Variants in MAGI2 observed in about 807,000 individuals in gnomAD.
The protein encoded by MAGI2 is membrane-associated guanylate kinase, WW and PDZ domain-containing protein 2.
A neutral mutation model predicts 133.3 loss-of-function variants in MAGI2; 35 were observed. The ratio of observed to expected loss-of-function variants is 0.26; its 90% CI spans 0.20 to 0.35. MAGI2 has a LOEUF of 0.35. MAGI2 is among the 10% of genes least tolerant of loss of function. The pLI, the probability that MAGI2 is intolerant of heterozygous loss-of-function variation, is 1.00. For synonymous variants in MAGI2, 729 were observed against 710.6 expected (o/e 1.03, Z -0.41); for missense variants, 1,636 against 1,863.4 (o/e 0.88, Z 2.25).
intron 1 of MAGI2, among the ~76,000 whole-genome samples, chr7:79,217,827 G>A (rs969428933): frequency 2.2e-4 from 33 of 151,952 alleles, no homozygotes; most frequent in Admixed American, 5.9e-4. Flanking sequence ...GTAGAATAGT[G>A]CTTGGTACAT....
chr7:79,181,943 G>A (rs137893194), intron 1 of MAGI2, among the ~76,000 whole-genome samples: 65 of 152,082 alleles, frequency 4.3e-4, no homozygotes, highest in Non-Finnish European at 6.6e-4. Context: ...CTTTGCTCCA[G>A]TTTTCAACAA....
chr7:79,108,210 C>T (rs562164581), intron 1 of MAGI2, among the ~76,000 whole-genome samples: 225 of 152,258 alleles, frequency 1.5e-3, no homozygotes, highest in African/African-American at 5.3e-3. Context: ...TGTCAGTATG[C>T]TGAGTGTCTC....
intron 2 of MAGI2, among the ~76,000 whole-genome samples, chr7:78,820,977 G>A (rs760732595): frequency 6.6e-6 from 1 of 151,932 alleles, no homozygotes; most frequent in Non-Finnish European, 1.5e-5. Context: ...ATAATAGAGA[G>A]ATAATGTGCC....
chr7:78,286,874 T>C (rs1001555668), intron 9 of MAGI2, among the ~76,000 whole-genome samples: 2 of 152,108 alleles, frequency 1.3e-5, no homozygotes, highest in South Asian at 2.1e-4. Flanking sequence ...CAGGCAGATA[T>C]GTTGATATCA....
At chr7:79,297,502 AATTAGTCAGATACTATTCATTCATTTT>A (rs1837031090) in intron 1 of MAGI2, among the ~76,000 whole-genome samples, 1 of 152,164 alleles carries the variant, frequency 6.6e-6, no homozygotes, top group Non-Finnish European at 1.5e-5. Flanking sequence ...AATTTATTCT[AATTAGTCAGATACTATTCATTCATTTT>A]ATTAATATTT....
intron 2 of MAGI2, among the ~76,000 whole-genome samples, chr7:78,694,072 T>C (rs1173722341): frequency 2.6e-5 from 4 of 152,118 alleles, no homozygotes; most frequent in Non-Finnish European, 4.4e-5. Flanking sequence ...TGCGTGACCA[T>C]TGATAATTTC....
At chr7:78,242,498 T>G (rs1411186430) in intron 10 of MAGI2, among the ~76,000 whole-genome samples, 1 of 152,234 alleles carries the variant, frequency 6.6e-6, no homozygotes, top group Non-Finnish European at 1.5e-5. Context: ...CAACTCATGC[T>G]GTGGATTTGT....
intron 2 of MAGI2, among the ~76,000 whole-genome samples, chr7:78,779,445 T>A (rs1826233880): frequency 6.6e-6 from 1 of 152,044 alleles, no homozygotes; most frequent in South Asian, 2.1e-4. Context: ...CAAATTCAAC[T>A]GGATTAAGAA....
At chr7:78,448,540 C>T (rs1280863311) in intron 6 of MAGI2, among the ~76,000 whole-genome samples, 1 of 151,456 alleles carries the variant, frequency 6.6e-6, no homozygotes, top group African/African-American at 2.4e-5. Flanking sequence ...CTCCAAATCC[C>T]ATGGCCAACA....
At chr7:78,098,287 T>A (rs1269528300) in intron 20 of MAGI2, among the ~76,000 whole-genome samples, 1 of 152,174 alleles carries the variant, frequency 6.6e-6, no homozygotes, top group Non-Finnish European at 1.5e-5. Flanking sequence ...ACTACATATG[T>A]ACATATCCAT....
chr7:78,717,553 T>A (rs1819840537), intron 2 of MAGI2, among the ~76,000 whole-genome samples: 1 of 152,126 alleles, frequency 6.6e-6, no homozygotes, highest in South Asian at 2.1e-4. Context: ...GGCTAGAGGG[T>A]GAAAATATCG....
chr7:78,833,816 C>G (rs1010102434), intron 2 of MAGI2, among the ~76,000 whole-genome samples: 9 of 152,252 alleles, frequency 5.9e-5, no homozygotes, highest in African/African-American at 1.9e-4. Flanking sequence ...CTACCTGCTT[C>G]CTATCCAGTC....
intron 1 of MAGI2, among the ~76,000 whole-genome samples, chr7:79,200,725 G>A (rs1828540622): frequency 6.6e-6 from 1 of 151,834 alleles, no homozygotes. Flanking sequence ...ATGACATCAG[G>A]AGTTAAAAAG....
intron 1 of MAGI2, among the ~76,000 whole-genome samples, chr7:79,036,812 C>A (rs563627517): frequency 6.6e-6 from 1 of 152,058 alleles, no homozygotes; most frequent in Non-Finnish European, 1.5e-5. Context: ...ATAAAATAAC[C>A]GCCAGAGGTA....
intron 2 of MAGI2, among the ~76,000 whole-genome samples, chr7:78,904,809 G>T (rs1563647381): frequency 6.6e-6 from 1 of 152,002 alleles, no homozygotes; most frequent in Non-Finnish European, 1.5e-5. Flanking sequence ...CTGGCCCCCG[G>T]GCAATAAAGC....
intron 2 of MAGI2, among the ~76,000 whole-genome samples, chr7:78,976,833 T>A (rs1804302225): frequency 6.6e-6 from 1 of 151,394 alleles, no homozygotes; most frequent in Non-Finnish European, 1.5e-5. Flanking sequence ...AATTTGAAAT[T>A]AAAAAAATAC....
intron 9 of MAGI2, among the ~76,000 whole-genome samples, chr7:78,341,569 C>T (rs1374609541): frequency 6.6e-6 from 1 of 152,098 alleles, no homozygotes; most frequent in Non-Finnish European, 1.5e-5. Flanking sequence ...TACTATAAGG[C>T]TACAGTAACC....
chr7:78,163,299 G>A (rs989170143), intron 15 of MAGI2, among the ~76,000 whole-genome samples: 1 of 151,928 alleles, frequency 6.6e-6, no homozygotes, highest in East Asian at 2.0e-4. Context: ...CACCACGCCC[G>A]GCTAATTTGT....
intron 6 of MAGI2, among the ~76,000 whole-genome samples, chr7:78,455,161 T>C (rs1253007599): frequency 6.8e-6 from 1 of 148,076 alleles, no homozygotes. Flanking sequence ...TATATGTGTG[T>C]GGAGGGAGGG....
Sources: gnomAD v4.1 joint callset for allele counts (sites outside exome capture counted in the v4.1 genomes callset) on GRCh38, gnomAD v4.1.1 for gene constraint, MANE v1.5 for transcripts, NCBI Gene and HGNC (gene_info 2026-07-23, HGNC 2026-07-21) for gene names.